The following AMPH variants were observed in gnomAD, a reference collection of about 807,000 sequenced individuals.
The protein encoded by AMPH is amphiphysin, also known as amphiphysin (Stiff-Mann syndrome with breast cancer 128kD autoantigen).
AMPH carries 49 observed loss-of-function variants against 99.1 expected under a neutral mutation model. The observed-to-expected ratio is 0.49, with a 90% confidence interval of 0.39 to 0.63. The LOEUF (loss-of-function observed/expected upper bound fraction) is 0.63, where lower values mean the gene tolerates loss of function less well. AMPH is among the 20% of genes least tolerant of loss of function. The probability of loss-of-function intolerance (pLI) is 0.00; values close to 1 mark genes in which losing one functional copy is unlikely to be tolerated. For synonymous variants in AMPH, 314 were observed against 317.3 expected (o/e 0.99, Z 0.11); for missense variants, 759 against 863.4 (o/e 0.88, Z 1.52).
At chr7:38,504,350 G>A (rs975116123) in intron 2 of AMPH, among the ~76,000 whole-genome samples, 1 of 152,190 alleles carries the variant, frequency 6.6e-6, no homozygotes, top group East Asian at 1.9e-4. Context: ...AATTGTAAAT[G>A]TTGACATATG....
intron 5 of AMPH, among the ~76,000 whole-genome samples, chr7:38,485,985 C>A (rs757343856): frequency 5.9e-5 from 9 of 151,626 alleles, no homozygotes; most frequent in African/African-American, 2.2e-4. Context: ...TAGTGATAAA[C>A]GCATACATTA....
chr7:38,596,216 C>T (rs1346238551), intron 1 of AMPH, among the ~76,000 whole-genome samples: 1 of 152,016 alleles, frequency 6.6e-6, no homozygotes, highest in Non-Finnish European at 1.5e-5. Context: ...TGAAAGTGGC[C>T]GGGAAACAGG....
intron 1 of AMPH, among the ~76,000 whole-genome samples, chr7:38,586,345 C>T (rs964561832): frequency 9.2e-5 from 14 of 152,310 alleles, no homozygotes; most frequent in East Asian, 3.9e-4. Context: ...GCAAAACAAG[C>T]CTTCTGTCAG....
At chr7:38,514,412 T>C (rs1329189782) in intron 2 of AMPH, among the ~76,000 whole-genome samples, 1 of 152,220 alleles carries the variant, frequency 6.6e-6, no homozygotes, top group African/African-American at 2.4e-5. Flanking sequence ...CACAATAAGA[T>C]GGTTTTCAAC....
At chr7:38,545,967 G>C (rs1790982411) in intron 1 of AMPH, among the ~76,000 whole-genome samples, 1 of 152,160 alleles carries the variant, frequency 6.6e-6, no homozygotes, top group African/African-American at 2.4e-5. Context: ...AAAATACAGG[G>C]GGGGATGATT....
chr7:38,428,645 T>A (rs916940396), intron 14 of AMPH: 1 of 456,588 alleles, frequency 2.2e-6, no homozygotes, highest in Non-Finnish European at 4.4e-6. Context: ...GGCTGCCATC[T>A]TCAATATTAG....
chr7:38,428,050 C>G (rs1196022041), intron 14 of AMPH: 1 of 456,706 alleles, frequency 2.2e-6, no homozygotes, highest in Middle Eastern at 3.3e-4. Flanking sequence ...CTACAATCAC[C>G]TGCTAGTAAG....
At chr7:38,601,073 T>A (rs1366388879) in intron 1 of AMPH, among the ~76,000 whole-genome samples, 1 of 152,186 alleles carries the variant, frequency 6.6e-6, no homozygotes, top group Non-Finnish European at 1.5e-5. Context: ...CCAGTGGATC[T>A]CCTCTCCTGC....
intron 2 of AMPH, among the ~76,000 whole-genome samples, chr7:38,525,277 T>TATATATATAGAGAGAGAG (rs1481528083): frequency 3.8e-4 from 33 of 86,648 alleles, no homozygotes; most frequent in African/African-American, 1.5e-3. Flanking sequence ...TATATATATA[T>TATATATATAGAGAGAGAG]AGAGAGAGAG....
In AMPH at chr7:38,391,979, G is replaced by A. The variant is rs760548517; in HGVS notation, c.1647C>T (p.Ser549=). 2.5e-6 allele frequency: 4 copies of A among 1,609,394 alleles called. No homozygotes were observed. Among genetic ancestry groups the A allele is most frequent in the South Asian group, 2.2e-5 (2 of 91,032 alleles). ...VIPSVVIEPA[S]NHEEEGENEI... The stretch of plus-strand genomic sequence containing the variant: ...CGTTTTCTCCTTCCTCTTCATGGTT[G>A]GAGGCAGGCTCTATGACCACCGAAG... The change falls in exon 19 of 21, where the codon TCC becomes TCT. Residue 549 remains serine (S), a synonymous_variant. Transcript: ENST00000356264.
intron 1 of AMPH, among the ~76,000 whole-genome samples, chr7:38,575,411 G>A (rs1792201982): frequency 6.6e-6 from 1 of 152,156 alleles, no homozygotes; most frequent in Non-Finnish European, 1.5e-5. Flanking sequence ...GTTTGGCTGT[G>A]TCCCCACCCA....
At chr7:38,444,625 C>G (rs1786686147) in intron 11 of AMPH, among the ~76,000 whole-genome samples, 1 of 152,058 alleles carries the variant, frequency 6.6e-6, no homozygotes, top group African/African-American at 2.4e-5. Flanking sequence ...GATTGATTCT[C>G]CCCTAGAGCC....
intron 7 of AMPH, among the ~76,000 whole-genome samples, chr7:38,472,968 T>C (rs570350510): frequency 1.3e-5 from 2 of 152,294 alleles, no homozygotes; most frequent in African/African-American, 4.8e-5. Flanking sequence ...AAGACTGAAA[T>C]AACATCAATG....
In AMPH at chr7:38,528,657, A is replaced by G. The variant is rs569948795; in HGVS notation, c.150+6274T>C. 3.9e-5 allele frequency among the ~76,000 whole-genome samples: 6 copies of G among 151,952 alleles called. No homozygotes were observed. The East Asian group carries it at 1.2e-3, about 29-fold the overall frequency. On this transcript the variant is annotated intron_variant, in intron 2 of 20. Coordinates refer to ENST00000356264, the MANE Select transcript of AMPH (RefSeq NM_001635.4). Reference sequence around the variant, plus strand: ...TGCTAGAGGTTTATTAATTTTATTGACTTTTTTCCAAAGAATCAGACTTTT... The same window carrying G: ...TGCTAGAGGTTTATTAATTTTATTGGCTTTTTTCCAAAGAATCAGACTTTT...
At chr7:38,503,241 C>G (rs1251181961) in intron 3 of AMPH, among the ~76,000 whole-genome samples, 1 of 152,212 alleles carries the variant, frequency 6.6e-6, no homozygotes, top group Non-Finnish European at 1.5e-5. Flanking sequence ...TTCCACCTAC[C>G]TTTGCCACCA....
intron 1 of AMPH, among the ~76,000 whole-genome samples, chr7:38,626,085 A>G (rs1006802294): frequency 1.3e-5 from 2 of 152,262 alleles, no homozygotes; most frequent in African/African-American, 2.4e-5. Flanking sequence ...GAGAAATCTC[A>G]TGGTTAGCAC....
chr7:38,518,201 G>C (rs936458074), intron 2 of AMPH, among the ~76,000 whole-genome samples: 1 of 152,230 alleles, frequency 6.6e-6, no homozygotes, highest in Non-Finnish European at 1.5e-5. Context: ...GAACTTTGAG[G>C]AAATGGCTTC....
intron 1 of AMPH, among the ~76,000 whole-genome samples, chr7:38,554,484 T>C (rs1005837985): frequency 6.6e-5 from 10 of 152,162 alleles, no homozygotes; most frequent in Non-Finnish European, 1.0e-4. Flanking sequence ...TCTATAAATA[T>C]GCTTTAAAAA....
intron 3 of AMPH, among the ~76,000 whole-genome samples, chr7:38,500,669 A>G (rs1789101722): frequency 6.6e-6 from 1 of 152,146 alleles, no homozygotes; most frequent in African/African-American, 2.4e-5. Context: ...AAATCAACTA[A>G]CCCAGAAAAA....
Sources: allele counts gnomAD v4.1 joint callset (sites outside exome capture counted in the v4.1 genomes callset), GRCh38; gene constraint gnomAD v4.1.1; transcripts MANE v1.5; gene names NCBI Gene and HGNC (gene_info 2026-07-23, HGNC 2026-07-21).